CDYL: variants seen among roughly 807,000 people sequenced by gnomAD.
CDYL encodes the protein chromodomain Y-like protein.
Under a neutral mutation model 47.3 loss-of-function variants are expected in CDYL, and 8 were observed. The ratio of observed to expected loss-of-function variants is 0.17; its 90% CI spans 0.10 to 0.31. The LOEUF is 0.31. CDYL is among the 10% of genes least tolerant of loss of function. The pLI is 1.00. For synonymous variants in CDYL, 266 were observed against 265.0 expected (o/e 1.00, Z -0.04); for missense variants, 471 against 701.4 (o/e 0.67, Z 3.71).
rs1433445732 is a variant in CDYL at position 4,954,785 on chromosome 6, C to T, written c.*729C>T. 6.6e-6 allele frequency: 1 copy of T among 152,182 alleles called. No homozygotes were observed. The highest frequency in any genetic ancestry group is 1.5e-5 in the Non-Finnish European group (1 of 68,036). The allele number at this position is 152,182 out of a possible 1,614,324, so 9.4% of individuals were successfully genotyped here. A position where few individuals can be genotyped will look rare whatever the true frequency, so the allele number is the denominator to read the frequency against. ...CTTGTTTTGCAGTATTAGTGAATCA[C>T]TGAATAGCTTAAGTATGACTATCTA... On this transcript the variant is annotated 3_prime_UTR_variant, in exon 7 of 7. Transcript: ENST00000397588.
At chr6:4,909,339 T>A (rs1394582264) in intron 2 of CDYL, among the ~76,000 whole-genome samples, 1 of 152,192 alleles carries the variant, frequency 6.6e-6, no homozygotes, top group Non-Finnish European at 1.5e-5. Context: ...CTCCAGCTAT[T>A]CAGTAGCTCC....
chr6:4,937,298 A>C (rs1292808262), intron 3 of CDYL, among the ~76,000 whole-genome samples: 1 of 152,110 alleles, frequency 6.6e-6, no homozygotes, highest in Non-Finnish European at 1.5e-5. Context: ...GTTCAAGACC[A>C]CCCTAGACAA....
chr6:4,856,579 C>T (rs1206128459), intron 1 of CDYL, among the ~76,000 whole-genome samples: 1 of 152,054 alleles, frequency 6.6e-6, no homozygotes, highest in Admixed American at 6.5e-5. Flanking sequence ...TTGCGACAGT[C>T]GGGGCCAGAA....
chr6:4,878,965 T>A (rs1426974567), intron 1 of CDYL, among the ~76,000 whole-genome samples: 1 of 152,188 alleles, frequency 6.6e-6, no homozygotes, highest in Non-Finnish European at 1.5e-5. Context: ...TGACTCATGG[T>A]TTATTTAGAA....
intron 2 of CDYL, among the ~76,000 whole-genome samples, chr6:4,729,024 C>G (rs1361452388): frequency 6.6e-6 from 1 of 152,124 alleles, no homozygotes; most frequent in African/African-American, 2.4e-5. Flanking sequence ...TCCCAGTCTC[C>G]CTCTTAGGAT....
At chr6:4,883,219 G>T (rs1184399884) in intron 1 of CDYL, among the ~76,000 whole-genome samples, 1 of 152,146 alleles carries the variant, frequency 6.6e-6, no homozygotes, top group Non-Finnish European at 1.5e-5. Flanking sequence ...GGGAAGTGGG[G>T]AGTGCATTAC....
At position 4,914,340 on chromosome 6, in the gene CDYL, C is replaced by G. The variant is rs192845395; in HGVS notation, c.692-21175C>G. Among the ~76,000 whole-genome samples, 488 of 152,056 alleles carry G rather than the reference C, an allele frequency of 3.2e-3. 1 individual carries two copies. Among genetic ancestry groups the G allele is most frequent in the African/African-American group, 0.011 (472 of 41,448 alleles). ...CCGTGCTTTTCTCATGGGGGTGGCA[C>G]GTCCTCTCCTCTGTGCCTGAAAGCC... On this transcript the variant is annotated intron_variant, in intron 2 of 6. Transcript: ENST00000397588.
intron 1 of CDYL, among the ~76,000 whole-genome samples, chr6:4,819,146 CTCTCTCTCTCTCTCTCTG>C (rs1561652647): frequency 1.4e-5 from 2 of 141,428 alleles, no homozygotes; most frequent in East Asian, 2.0e-4. Flanking sequence ...CTCTCTCTCT[CTCTCTCTCTCTCTCTCTG>C]TGTGTGTGTG....
intron 1 of CDYL, among the ~76,000 whole-genome samples, chr6:4,787,307 A>G (rs1275183630): frequency 6.6e-6 from 1 of 152,184 alleles, no homozygotes; most frequent in Non-Finnish European, 1.5e-5. Flanking sequence ...GAGTGCACCT[A>G]GACGAGTCAG....
chr6:4,744,757 G>GCAGA (rs1212231829), intron 3 of CDYL, among the ~76,000 whole-genome samples: 2 of 152,118 alleles, frequency 1.3e-5, no homozygotes, highest in Non-Finnish European at 2.9e-5. Flanking sequence ...ATAGCAAATA[G>GCAGA]CAGAGCCAAG....
chr6:4,811,586 A>G (rs1267898961), intron 1 of CDYL, among the ~76,000 whole-genome samples: 2 of 151,588 alleles, frequency 1.3e-5, no homozygotes, highest in Non-Finnish European at 2.9e-5. Flanking sequence ...TTTTAATTAC[A>G]CAAGTACTCA....
intron 2 of CDYL, among the ~76,000 whole-genome samples, chr6:4,901,227 T>C (rs1343460845): frequency 6.6e-6 from 1 of 152,172 alleles, no homozygotes; most frequent in African/African-American, 2.4e-5. Flanking sequence ...TTTTGAACTT[T>C]AACTGATACA....
intron 1 of CDYL, among the ~76,000 whole-genome samples, chr6:4,786,052 T>G (rs1157285201): frequency 6.6e-6 from 1 of 152,232 alleles, no homozygotes; most frequent in Non-Finnish European, 1.5e-5. Flanking sequence ...GCGAAAAAAT[T>G]AAGTCTACTT....
chr6:4,814,394 C>G (rs1269360345), intron 1 of CDYL, among the ~76,000 whole-genome samples: 1 of 152,112 alleles, frequency 6.6e-6, no homozygotes, highest in Non-Finnish European at 1.5e-5. Context: ...TTTTACTGTT[C>G]ATGGAGCATA....
At chr6:4,920,232 C>T (rs1757673002) in intron 2 of CDYL, among the ~76,000 whole-genome samples, 5 of 152,124 alleles carry the variant, frequency 3.3e-5, no homozygotes, top group Admixed American at 3.3e-4. Context: ...ACGAAAAGTT[C>T]TGGAGATGCA....
chr6:4,733,320 C>G (rs985111772), intron 2 of CDYL: 2 of 152,034 alleles, frequency 1.3e-5, no homozygotes, highest in Non-Finnish European at 2.9e-5. Context: ...AAAGCCATGT[C>G]CCTGTTCCGC....
chr6:4,852,688 T>G (rs1359754408), intron 1 of CDYL, among the ~76,000 whole-genome samples: 2 of 152,116 alleles, frequency 1.3e-5, no homozygotes, highest in Non-Finnish European at 2.9e-5. Flanking sequence ...GATTTAACAT[T>G]TTTGTGTGTG....
At chr6:4,819,901 C>T (rs569545472) in intron 1 of CDYL, among the ~76,000 whole-genome samples, 1 of 152,286 alleles carries the variant, frequency 6.6e-6, no homozygotes, top group African/African-American at 2.4e-5. Context: ...GCCAGTAGTG[C>T]TGAAGTCAAG....
intron 1 of CDYL, among the ~76,000 whole-genome samples, chr6:4,815,673 CTTTTTTTTTTT>C: frequency 8.8e-6 from 1 of 113,654 alleles, no homozygotes; most frequent in Non-Finnish European, 1.8e-5. Flanking sequence ...TGAGATTTCA[CTTTTTTTTTTT>C]TTTTTTTTTA....
Sources: gnomAD v4.1 joint callset for allele counts (sites outside exome capture counted in the v4.1 genomes callset) on GRCh38, gnomAD v4.1.1 for gene constraint, MANE v1.5 for transcripts, NCBI Gene and HGNC (gene_info 2026-07-23, HGNC 2026-07-21) for gene names.